CLIC6: variants seen among roughly 807,000 people sequenced by gnomAD.
CLIC6 encodes the protein CLIC family member 6.
In CLIC6, 39 loss-of-function variants were observed where a neutral mutation model predicts 49.2. The observed-to-expected ratio is 0.79, with a 90% CI of 0.61 to 1.04. The LOEUF is 1.04. Ranked by LOEUF, CLIC6 falls within the 50% of genes least tolerant of loss-of-function variation. The probability of loss-of-function intolerance (pLI) is 0.00; values close to 1 mark genes in which losing one functional copy is unlikely to be tolerated. For synonymous variants in CLIC6, 446 were observed against 433.4 expected, an observed-to-expected ratio of 1.03 and a Z score of -0.36; for missense variants, 988 against 993.1, an observed-to-expected ratio of 0.99 and a Z score of 0.07.
At chr21:34,712,010 G>A (rs937862925) in intron 5 of CLIC6, among the ~76,000 whole-genome samples, 28 of 152,172 alleles carry the variant, frequency 1.8e-4, no homozygotes, top group Non-Finnish European at 2.9e-5. Flanking sequence ...AGAAGAGGGG[G>A]AGAAATATCC....
Position 34,670,587 on chromosome 21 carries a change from G to A in CLIC6, c.1199G>A (p.Gly400Glu). Residue 400 changes from glycine (G) to glutamate (E), a missense_variant, in exon 1 of 6, where the codon GGG becomes GAG. By Grantham distance (98) the Gly-to-Glu change is moderately conservative. This residue lies in a region of CLIC6 where 647 missense variants were observed against 596.9 expected (regional missense o/e 1.08). Coordinates refer to ENST00000349499, the MANE Select transcript of CLIC6 (RefSeq NM_053277.3). ...GAATCCCCCGACAGCAGCCCACATG[G>A]GGAGGCCTCCAGGGGCGCCGCGGAG... ...EEESPDSSPH[G>E]EASRGAAEPE... is the part of the protein sequence containing the mutation. 6.5e-7 allele frequency: 1 copy of A among 1,528,632 alleles called. No homozygotes were observed. Among genetic ancestry groups the A allele is most frequent in the Non-Finnish European group, 8.8e-7 (1 of 1,138,254 alleles). 94.7% of individuals were successfully genotyped at this position (1,528,632 alleles called of 1,614,324 possible). A position where few individuals can be genotyped will look rare whatever the true frequency, so the allele number is the denominator to read the frequency against.
chr21:34,702,292 A>G (rs1266358859), intron 1 of CLIC6, among the ~76,000 whole-genome samples: 2 of 152,108 alleles, frequency 1.3e-5, no homozygotes, highest in Admixed American at 1.3e-4. Flanking sequence ...GTGTCCCAGG[A>G]CCGTCTGCAG....
At chr21:34,699,058 A>C (rs543151712) in intron 1 of CLIC6, among the ~76,000 whole-genome samples, 5 of 152,308 alleles carry the variant, frequency 3.3e-5, no homozygotes, top group African/African-American at 9.6e-5. Context: ...TATTCTTTGA[A>C]GTCTATTTGC....
chr21:34,700,319 CT>C (rs1990163998), intron 1 of CLIC6, among the ~76,000 whole-genome samples: 2 of 139,970 alleles, frequency 1.4e-5, no homozygotes, highest in Admixed American at 1.4e-4. Context: ...TGGTGCCGGG[CT>C]CCTGTGGTCC....
intron 1 of CLIC6, among the ~76,000 whole-genome samples, chr21:34,688,151 T>C (rs1199427340): frequency 6.6e-6 from 1 of 152,268 alleles, no homozygotes; most frequent in African/African-American, 2.4e-5. Flanking sequence ...GTGTGATGCC[T>C]ACTATTTGTG....
intron 1 of CLIC6, among the ~76,000 whole-genome samples, chr21:34,680,323 T>C (rs1025194289): frequency 6.6e-5 from 10 of 152,162 alleles, no homozygotes; most frequent in Non-Finnish European, 2.9e-5. Context: ...GGGCACTAAG[T>C]CCCTAGGCTG....
intron 5 of CLIC6, among the ~76,000 whole-genome samples, chr21:34,712,897 T>C (rs113924698): frequency 6.8e-6 from 1 of 147,032 alleles, no homozygotes; most frequent in African/African-American, 2.7e-5. Flanking sequence ...TAACCGTAAC[T>C]CTAACCCTAA....
intron 5 of CLIC6, among the ~76,000 whole-genome samples, chr21:34,715,395 A>G (rs1189828915): frequency 6.6e-6 from 1 of 152,202 alleles, no homozygotes; most frequent in South Asian, 2.1e-4. Flanking sequence ...TTGGAAAGAG[A>G]GACACAGGGA....
chr21:34,685,456 T>C (rs991331698), intron 1 of CLIC6, among the ~76,000 whole-genome samples: 1 of 152,176 alleles, frequency 6.6e-6, no homozygotes, highest in African/African-American at 2.4e-5. Context: ...ATAAGAAAAA[T>C]CAACACTTTT....
chr21:34,683,330 A>G (rs1989817416), intron 1 of CLIC6, among the ~76,000 whole-genome samples: 1 of 152,188 alleles, frequency 6.6e-6, no homozygotes, highest in African/African-American at 2.4e-5. Flanking sequence ...ATTCCCATAA[A>G]TCAAAACCAT....
At chr21:34,692,134 G>A (rs1195068327) in intron 1 of CLIC6, among the ~76,000 whole-genome samples, 1 of 152,182 alleles carries the variant, frequency 6.6e-6, no homozygotes, top group Non-Finnish European at 1.5e-5. Flanking sequence ...AGACAAGAGT[G>A]CTCATTTAGC....
At chr21:34,701,308 CAAAAAAAAAA>C (rs763844976) in intron 1 of CLIC6, among the ~76,000 whole-genome samples, 80 of 49,580 alleles carry the variant, frequency 1.6e-3, no homozygotes, top group South Asian at 0.015. Flanking sequence ...GGCTCCGTCT[CAAAAAAAAAA>C]AAAAAAAAAA....
chr21:34,676,978 G>A (rs528363542), intron 1 of CLIC6, among the ~76,000 whole-genome samples: 2 of 151,866 alleles, frequency 1.3e-5, no homozygotes, highest in African/African-American at 4.8e-5. Context: ...TCTGGGCATA[G>A]TTGGGGGAGA....
Position 34,709,673 on chromosome 21 carries a change from C to T in CLIC6, c.1899+135C>T, listed in dbSNP as rs141654550. On this transcript the variant is annotated intron_variant, in intron 5 of 5. Transcript: ENST00000349499. ...TTGGATTAAAAACACTAGTTCTGTT[C>T]GGGGCAGCCAAGCCCCAGCTTTCAC... is the stretch of plus-strand genomic sequence containing the variant. 1.5e-3 allele frequency: 1,200 copies of T among 777,212 alleles called. 12 individuals are homozygous for T. In the African/African-American group the frequency reaches 0.019, roughly 12 times the overall value. The allele number at this position is 777,212 out of a possible 1,614,324, so 48.1% of individuals were successfully genotyped here. A position where few individuals can be genotyped will look rare whatever the true frequency, so the allele number is the denominator to read the frequency against.
Position 34,716,862 on chromosome 21 carries a change from T to TCTCTCTCTCTCTCTCTCA in CLIC6, c.*381_*382insTCTCTCTCTCTCTCTCAC. The TCTCTCTCTCTCTCTCTCA allele has an allele frequency of 1.5e-5, 2 of 131,726 alleles. No homozygotes were observed. Among genetic ancestry groups the TCTCTCTCTCTCTCTCTCA allele is most frequent in the African/African-American group, 6.4e-5 (2 of 31,302 alleles). The allele number at this position is 131,726 out of a possible 1,614,324, so 8.2% of individuals were successfully genotyped here. A position where few individuals can be genotyped will look rare whatever the true frequency, so the allele number is the denominator to read the frequency against. On this transcript the variant is annotated 3_prime_UTR_variant, in exon 6 of 6. Coordinates refer to ENST00000349499, the MANE Select transcript of CLIC6 (RefSeq NM_053277.3). ...CTCTCTCTCTCTCTCTCTCTCTCTA[T>TCTCTCTCTCTCTCTCTCA]CACACACACACACACACACACACAC...
chr21:34,706,115 C>T (rs1382146258), intron 1 of CLIC6: 1 of 659,630 alleles, frequency 1.5e-6, no homozygotes, highest in South Asian at 1.8e-5. Context: ...GCTGAATTGG[C>T]TCAAATGCTG....
At chr21:34,716,214 G>C in intron 5 of CLIC6, 107 bp from the exon 6 acceptor site, 1 of 954,314 alleles carries the variant, frequency 1.0e-6, no homozygotes, top group Non-Finnish European at 1.6e-6. Context: ...GATGACATGG[G>C]AAACTGGGAA....
rs1989496081 is a variant in CLIC6, at chr21:34,669,788, G to T, written c.400G>T (p.Ala134Ser). 2.1e-6 allele frequency: 3 copies of T among 1,423,874 alleles called. No homozygotes were observed. The highest frequency in any genetic ancestry group is 1.5e-5 in the South Asian group (1 of 68,648). 88.2% of individuals were successfully genotyped at this position (1,423,874 alleles called of 1,614,324 possible). A position where few individuals can be genotyped will look rare whatever the true frequency, so the allele number is the denominator to read the frequency against. ...TCAGAGGGAGCCCGAGGACTCTGCG[G>T]CCCCCGAGAGGCAGGAGGAGGCGGA... is the stretch of plus-strand genomic sequence containing the variant. ...EAQREPEDSA[A>S]PERQEEAEQR... The change falls in exon 1 of 6, where the codon GCC becomes TCC. Residue 134 changes from alanine to serine, a missense_variant. Physicochemically the swap from Ala to Ser is moderately conservative, Grantham distance 99. This residue lies in a region of CLIC6 where 284 missense variants were observed against 278.6 expected (regional missense o/e 1.02). Coordinates refer to ENST00000349499, the MANE Select transcript of CLIC6 (RefSeq NM_053277.3).
intron 5 of CLIC6, among the ~76,000 whole-genome samples, chr21:34,711,148 GGTATAAGT>G (rs2056053832): frequency 6.6e-6 from 1 of 152,208 alleles, no homozygotes; most frequent in South Asian, 2.1e-4. Flanking sequence ...CCAGGTGGTT[GGTATAAGT>G]GTAGGGGAGA....
Sources: allele counts gnomAD v4.1 joint callset (sites outside exome capture counted in the v4.1 genomes callset), GRCh38; gene constraint gnomAD v4.1.1; regional missense constraint gnomAD v4.1.1; transcripts MANE v1.5; gene names NCBI Gene and HGNC (gene_info 2026-07-23, HGNC 2026-07-21).